The following PXN variants were observed in gnomAD, a reference collection of about 807,000 sequenced individuals.
PXN encodes the protein testicular tissue protein Li 134.
A neutral mutation model predicts 103.6 loss-of-function variants in PXN; 61 were observed. The ratio of observed to expected loss-of-function variants is 0.59; its 90% CI spans 0.48 to 0.73. The LOEUF (loss-of-function observed/expected upper bound fraction) is 0.73. PXN is among the 30% of genes least tolerant of loss of function. The probability of loss-of-function intolerance (pLI) is 0.00; values close to 1 mark genes in which losing one functional copy is unlikely to be tolerated. For synonymous variants in PXN, 562 were observed against 607.8 expected, an observed-to-expected ratio of 0.92 and a Z score of 1.11; for missense variants, 1,274 against 1,460.3, an observed-to-expected ratio of 0.87 and a Z score of 2.08.
rs202247083 is a variant in PXN, at chr12:120,220,020, A to G, written c.903T>C (p.Leu301=). The G allele has an allele frequency of 6.5e-7, 1 of 1,543,174 alleles. No homozygotes were observed. The highest frequency in any genetic ancestry group is 8.8e-7 in the Non-Finnish European group (1 of 1,134,480). ...ATGGCATGGGAGGAGGAGAAGGAGG[A>G]AGGGAGCAGTATGAGGACGGAGCAG... ...SSSAPSSYCS[L]PPSPPPMPSV... is the part of the protein sequence containing the mutation. The change falls in exon 7 of 15, where the codon CTT becomes CTC. Residue 301 remains leucine, a synonymous_variant. Transcript: ENST00000637617. The surrounding 1 kb of genome is among the most constrained non-coding windows in gnomAD (Gnocchi z 6.1).
At chr12:120,248,605 C>T (rs1379790275) in intron 1 of PXN, 3 of 152,718 alleles carry the variant, frequency 2.0e-5, no homozygotes, top group Non-Finnish European at 4.4e-5. Context: ...CATTGGCGAG[C>T]AGGAATCAGA....
Position 120,219,571 on chromosome 12 carries a change from G to T in PXN, c.1352C>A (p.Pro451His), listed in dbSNP as rs775803093. ...SEVFGPERMP[P>H]SGAARSFQEV... ...TTGGAAGCTTCGAGCAGCTCCAGAG[G>T]GGGGCATTCTCTCAGGCCCGAATAC... Residue 451 changes from proline to histidine, a missense_variant, in exon 7 of 15, where the codon CCC (proline) becomes CAC (histidine). Around this residue, in one of 2 missense-constraint regions of PXN, gnomAD observed 1,178 missense variants for 1,309.0 expected, o/e 0.90. Coordinates refer to ENST00000637617, the MANE Select transcript of PXN (RefSeq NM_001385981.1). The surrounding 1 kb of genome is among the most constrained non-coding windows in gnomAD (Gnocchi z 6.5). 3 of 1,573,326 alleles carry T rather than the reference G, an allele frequency of 1.9e-6. No homozygotes were observed. In the South Asian group the frequency reaches 3.4e-5, roughly 18 times the overall value.
Position 120,214,733 on chromosome 12 carries a change from C to A in PXN, c.2748+92G>T, listed in dbSNP as rs1480795012. On this transcript the variant is annotated intron_variant, in intron 12 of 14. Transcript: ENST00000637617. The surrounding 1 kb of genome is among the most constrained non-coding windows in gnomAD (Gnocchi z 5.0). ...TGTGAGCCTCGGGCATGTGACCTCT[C>A]TGAGCCTCCCACGGCACCCCCTGCA... 8 of 1,525,022 alleles carry A rather than the reference C, an allele frequency of 5.2e-6. No individual in the cohort carries two copies. The East Asian group carries it at 1.8e-4, about 34-fold the overall frequency. The allele number at this position is 1,525,022 out of a possible 1,614,324, so 94.5% of individuals were successfully genotyped here.
In PXN at chr12:120,222,012, G is replaced by A. The variant is rs1387114030; in HGVS notation, c.696-254C>T. Among the ~76,000 whole-genome samples the A allele has an allele frequency of 2.4e-4, 37 of 152,166 alleles. No homozygotes were observed. The highest frequency in any genetic ancestry group is 2.0e-3 in the Admixed American group (30 of 15,286). On this transcript the variant is annotated intron_variant, in intron 5 of 14. Transcript: ENST00000637617. The surrounding 1 kb of genome is among the most constrained non-coding windows in gnomAD (Gnocchi z 4.7). The stretch of plus-strand genomic sequence containing the variant: ...GCTGGCCTGCGAAACAAGCCCAAGC[G>A]CCCTGTGTTTCCTCCACAACACTGG...
Position 120,265,607 on chromosome 12 carries a change from G to T in PXN, c.13+10C>A. On this transcript the variant is annotated intron_variant, in intron 1 of 14. Coordinates refer to ENST00000637617, the MANE Select transcript of PXN (RefSeq NM_001385981.1). This position sits in a 1 kb window ranked among gnomAD's most constrained non-coding sequence, Gnocchi z 5.7. Reference sequence around the variant, plus strand: ...TCGCCTCCTCCTCCCTCGGCCTCCCGCTCACTCACCGAGGTCGTCCATGGC... The same window carrying T: ...TCGCCTCCTCCTCCCTCGGCCTCCCTCTCACTCACCGAGGTCGTCCATGGC... The T allele has an allele frequency of 1.3e-6, 2 of 1,485,976 alleles. No homozygotes were observed. Among genetic ancestry groups the T allele is most frequent in the Non-Finnish European group, 8.9e-7 (1 of 1,123,788 alleles). The allele number at this position is 1,485,976 out of a possible 1,614,324, so 92.0% of individuals were successfully genotyped here.
rs1011691440 is a variant in PXN at position 120,228,280 on chromosome 12, GCTCT to G, written c.14-3907_14-3904del. ...GACCCAAGTCACCCTGAAGGAGGAA[GCTCT>G]CTCTCTGGGGCTTCCCAACCACTTT... On this transcript the variant is annotated intron_variant, in intron 1 of 14. Transcript: ENST00000637617. This position sits in a 1 kb window ranked among gnomAD's most constrained non-coding sequence, Gnocchi z 4.7. 2.2e-4 allele frequency among the ~76,000 whole-genome samples: 33 copies of G among 152,202 alleles called. No individual in the cohort carries two copies. The highest frequency in any genetic ancestry group is 7.7e-4 in the African/African-American group (32 of 41,448).
At position 120,216,280 on chromosome 12, in the gene PXN, G is replaced by A. The variant is rs142650330; in HGVS notation, c.2294C>T (p.Pro765Leu). Residue 765 changes from proline (P) to leucine (L), a missense_variant, in exon 9 of 15, where the codon CCG becomes CTG. Pro to Leu is a moderately conservative substitution (Grantham distance 98). Coordinates refer to ENST00000637617, the MANE Select transcript of PXN (RefSeq NM_001385981.1). This position sits in a 1 kb window ranked among gnomAD's most constrained non-coding sequence, Gnocchi z 5.1. Reference protein sequence around the residue: ...CQTDEDPLFPPMQIQGLEQRA... With the variant: ...CQTDEDPLFPLMQIQGLEQRA... Reference sequence around the variant, plus strand: ...GGCTCCTTTAAGGCCTGCCTGCATCGGGGGGAAGAGCGGGTCCTCATCAGT... The same window carrying A: ...GGCTCCTTTAAGGCCTGCCTGCATCAGGGGGAAGAGCGGGTCCTCATCAGT... 5.7e-3 allele frequency: 7,315 copies of A among 1,276,158 alleles called. 20 individuals carry two copies. The highest frequency in any genetic ancestry group is 6.6e-3 in the Non-Finnish European group (6,749 of 1,015,484). The allele number at this position is 1,276,158 out of a possible 1,614,324, so 79.1% of individuals were successfully genotyped here. A position where few individuals can be genotyped will look rare whatever the true frequency, so the allele number is the denominator to read the frequency against.
intron 1 of PXN, among the ~76,000 whole-genome samples, chr12:120,237,641 C>T (rs1328268877): frequency 2.0e-5 from 3 of 152,098 alleles, no homozygotes; most frequent in Non-Finnish European, 2.9e-5. Flanking sequence ...CTAGCTGCCC[C>T]CAGAGTGCTC....
Position 120,224,246 on chromosome 12 carries a change from CG to C in PXN, c.144del (p.Val49SerfsTer18), listed in dbSNP as rs758654594. 7.9e-7 allele frequency: 1 copy of C among 1,264,238 alleles called. No homozygotes were observed. 78.3% of individuals were successfully genotyped at this position (1,264,238 alleles called of 1,614,324 possible). On this transcript the variant is annotated frameshift_variant, in exon 2 of 15. Transcript: ENST00000637617. LOFTEE classifies it high-confidence loss of function. This position sits in a 1 kb window ranked among gnomAD's most constrained non-coding sequence, Gnocchi z 5.0. ...GCCTCGCTGGACGGGGGTGGGGGGA[CG>C]GGGGGTGGCACGGCAATCTCCTGGT... is the stretch of plus-strand genomic sequence containing the variant. ...HTYQEIAVPP[P>X]VPPPPSSEAL...
At chr12:120,236,001 C>G (rs1056860654) in intron 1 of PXN, among the ~76,000 whole-genome samples, 6 of 152,236 alleles carry the variant, frequency 3.9e-5, no homozygotes, top group Non-Finnish European at 8.8e-5. Flanking sequence ...GCCAGCAAGA[C>G]AGCCAGCCTA....
Position 120,221,720 on chromosome 12 carries a change from G to A in PXN, c.734C>T (p.Pro245Leu), listed in dbSNP as rs187461916. 80 of 1,573,168 alleles carry A rather than the reference G, an allele frequency of 5.1e-5. No individual in the cohort carries two copies. The highest frequency in any genetic ancestry group is 7.0e-5 in the East Asian group (3 of 42,554). ...ITVNQGEMSS[P>L]QRVTSTQQQT... is the part of the protein sequence containing the mutation. ...CTGTTGGGTGGAGGTGACGCGCTGCGGGCTGCTCATCTCGCCCTGGTTCAC... is the reference window on the plus strand; with the variant it reads ...CTGTTGGGTGGAGGTGACGCGCTGCAGGCTGCTCATCTCGCCCTGGTTCAC... The change falls in exon 6 of 15, where the codon CCG becomes CTG. Residue 245 changes from proline (P) to leucine (L), a missense_variant. Transcript: ENST00000637617. The surrounding 1 kb of genome is among the most constrained non-coding windows in gnomAD (Gnocchi z 6.6).
intron 1 of PXN, among the ~76,000 whole-genome samples, chr12:120,261,592 C>T (rs11065061): frequency 0.15 from 22,711 of 151,878 alleles, 2,006 homozygotes; most frequent in East Asian, 0.45. Context: ...GAGGTAAAGA[C>T]GCAAGAGAAG....
At chr12:120,245,632 C>CAA (rs1890949447) in intron 1 of PXN, among the ~76,000 whole-genome samples, 1 of 151,332 alleles carries the variant, frequency 6.6e-6, no homozygotes, top group African/African-American at 2.4e-5. Context: ...CTAAAAAATA[C>CAA]AAAAAATTAG....
chr12:120,256,043 T>C (rs973722978), intron 1 of PXN, among the ~76,000 whole-genome samples: 1 of 151,552 alleles, frequency 6.6e-6, no homozygotes, highest in African/African-American at 2.4e-5. Context: ...CTGTACTCCA[T>C]TCTGGGCGGC....
In PXN at chr12:120,215,092, C is replaced by T. The variant is rs374624484; in HGVS notation, c.2574+11G>A. 1 of 1,584,164 alleles carries T rather than the reference C, an allele frequency of 6.3e-7. No individual in the cohort carries two copies. The highest frequency in any genetic ancestry group is 8.6e-7 in the Non-Finnish European group (1 of 1,162,950). Reference sequence around the variant, plus strand: ...CCACTGGCCACACCCCTGCCCACTCCCCCTCATCACCTGCCCGGCGATGGG... The same window carrying T: ...CCACTGGCCACACCCCTGCCCACTCTCCCTCATCACCTGCCCGGCGATGGG... On this transcript the variant is annotated intron_variant, in intron 11 of 14. Coordinates refer to ENST00000637617, the MANE Select transcript of PXN (RefSeq NM_001385981.1). This position sits in a 1 kb window ranked among gnomAD's most constrained non-coding sequence, Gnocchi z 4.9.
intron 1 of PXN, among the ~76,000 whole-genome samples, chr12:120,236,392 C>T (rs1889048648): frequency 6.6e-6 from 1 of 151,976 alleles, no homozygotes; most frequent in Non-Finnish European, 1.5e-5. Context: ...GATCACAGCT[C>T]ACTGCAATCT....
At chr12:120,226,050 G>T in intron 1 of PXN, 1 of 1,088,952 alleles carries the variant, frequency 9.2e-7, no homozygotes, top group South Asian at 2.3e-5. Context: ...CTGGCTTCCT[G>T]TCTCTAGCAA....
rs115444456 is a variant in PXN, at chr12:120,257,649, T to C, written c.13+7968A>G. ...GACTGGAGGTCCAAGAGGGCCAGCT[T>C]TGAGTCAGCACAAACTAGACAGGAG... On this transcript the variant is annotated intron_variant, in intron 1 of 14. Transcript: ENST00000637617. 4.0e-3 allele frequency among the ~76,000 whole-genome samples: 604 copies of C among 152,302 alleles called. 4 individuals are homozygous for C. Among genetic ancestry groups the C allele is most frequent in the African/African-American group, 0.013 (535 of 41,572 alleles).
chr12:120,243,203 C>G (rs1890459690), intron 1 of PXN, among the ~76,000 whole-genome samples: 1 of 152,298 alleles, frequency 6.6e-6, no homozygotes, highest in Non-Finnish European at 1.5e-5. Context: ...TTTCTAATCC[C>G]TTGAGACTCA....
Sources: allele counts gnomAD v4.1 joint callset (sites outside exome capture counted in the v4.1 genomes callset), GRCh38; gene constraint gnomAD v4.1.1; regional missense constraint gnomAD v4.1.1; non-coding constraint Gnocchi (gnomAD v3.1); transcripts MANE v1.5; gene names NCBI Gene and HGNC (gene_info 2026-07-23, HGNC 2026-07-21).